Variants in PRKG1 observed in about 807,000 individuals in gnomAD.
PRKG1 encodes the protein protein kinase cGMP-dependent 1, also known as cGMP-dependent protein kinase 1.
Under a neutral mutation model 88.1 loss-of-function variants are expected in PRKG1, and 35 were observed. That is an observed-to-expected ratio of 0.40 (90% CI 0.30 to 0.53). The LOEUF (loss-of-function observed/expected upper bound fraction) is 0.53, where lower values mean the gene tolerates loss of function less well. Among genes scored for constraint, PRKG1 ranks in the 20% least tolerant of loss-of-function variants. The pLI is 0.59. For synonymous variants in PRKG1, 303 were observed against 292.5 expected (o/e 1.04, Z -0.37); for missense variants, 540 against 839.8 (o/e 0.64, Z 4.41).
intron 3 of PRKG1, among the ~76,000 whole-genome samples, chr10:51,763,185 C>T (rs1227337278): frequency 1.3e-5 from 2 of 151,936 alleles, no homozygotes; most frequent in Non-Finnish European, 2.9e-5. Flanking sequence ...TATTGTCTTA[C>T]CATGTACTTG....
intron 3 of PRKG1, among the ~76,000 whole-genome samples, chr10:51,595,672 T>G (rs970217201): frequency 1.3e-5 from 2 of 151,530 alleles, no homozygotes; most frequent in African/African-American, 4.8e-5. Context: ...GCAAGCTTTT[T>G]TCCATAATGA....
At chr10:52,281,548 A>C (rs986283268) in intron 13 of PRKG1, among the ~76,000 whole-genome samples, 12 of 152,108 alleles carry the variant, frequency 7.9e-5, no homozygotes, top group African/African-American at 2.7e-4. Context: ...TTGTAGTTTC[A>C]ACCAAATCGT....
intron 2 of PRKG1, among the ~76,000 whole-genome samples, chr10:51,317,898 G>A (rs769304345): frequency 2.0e-5 from 3 of 152,080 alleles, no homozygotes; most frequent in Non-Finnish European, 4.4e-5. Flanking sequence ...AGTCTTTCCT[G>A]TAATGGGCAT....
chr10:51,690,554 T>G (rs914678678), intron 3 of PRKG1, among the ~76,000 whole-genome samples: 3 of 152,284 alleles, frequency 2.0e-5, no homozygotes, highest in South Asian at 2.1e-4. Flanking sequence ...TGCTTCATAT[T>G]CATTCCAGGC....
intron 2 of PRKG1, among the ~76,000 whole-genome samples, chr10:51,431,887 C>CA (rs1349361153): frequency 1.3e-5 from 2 of 151,860 alleles, no homozygotes; most frequent in Non-Finnish European, 2.9e-5. Context: ...CAAAACAAAG[C>CA]AAAAAAGCCT....
chr10:51,849,991 A>G (rs1351439776), intron 4 of PRKG1, among the ~76,000 whole-genome samples: 1 of 152,208 alleles, frequency 6.6e-6, no homozygotes, highest in Non-Finnish European at 1.5e-5. Flanking sequence ...TTGGAAAGAG[A>G]AAAAGTTGAA....
intron 5 of PRKG1, among the ~76,000 whole-genome samples, chr10:52,016,297 CG>C (rs111430741): frequency 2.0e-5 from 3 of 152,132 alleles, no homozygotes; most frequent in Non-Finnish European, 4.4e-5. Flanking sequence ...GGAATCAAGA[CG>C]TTTTTTATAT....
At chr10:51,763,621 G>C (rs1379708965) in intron 3 of PRKG1, among the ~76,000 whole-genome samples, 2 of 134,138 alleles carry the variant, frequency 1.5e-5, no homozygotes, top group East Asian at 4.3e-4. Flanking sequence ...AAAAAAAAAA[G>C]TAAGCATTCT....
chr10:52,120,726 G>A (rs1042971116), intron 7 of PRKG1, among the ~76,000 whole-genome samples: 29 of 152,090 alleles, frequency 1.9e-4, no homozygotes, highest in Non-Finnish European at 3.2e-4. Context: ...AGGCAGCCCC[G>A]CCCCTGTGTC....
intron 1 of PRKG1, among the ~76,000 whole-genome samples, chr10:51,034,669 TATA>T (rs1438324253): frequency 0.059 from 1,718 of 29,164 alleles, 98 homozygotes; most frequent in Non-Finnish European, 0.073. Context: ...ATATGTTATT[TATA>T]TATATATATA....
At position 51,628,974 on chromosome 10, in the gene PRKG1, A is replaced by AAAAAC. The variant is rs369464844; in HGVS notation, c.592+161142_592+161143insCAAAA. 4.4e-4 allele frequency among the ~76,000 whole-genome samples: 63 copies of AAAAAC among 142,036 alleles called. No individual in the cohort carries two copies. The South Asian group carries it at 7.6e-3, about 17-fold the overall frequency. The allele number at this position is 142,036 out of a possible 152,430, so 93.2% of individuals were successfully genotyped here. A position where few individuals can be genotyped will look rare whatever the true frequency, so the allele number is the denominator to read the frequency against. On this transcript the variant is annotated intron_variant, in intron 3 of 17. Transcript: ENST00000373980. ...GAGCGAGACTCCGTCTCAAAAAAAA[A>AAAAAC]AAAAACAAAAACAAAAACCAAAAAA... is the stretch of plus-strand genomic sequence containing the variant.
chr10:51,069,485 C>G (rs540975660), intron 1 of PRKG1, among the ~76,000 whole-genome samples: 1 of 151,582 alleles, frequency 6.6e-6, no homozygotes, highest in East Asian at 1.9e-4. Context: ...AACAATAAAG[C>G]AAAAAGGGAT....
At chr10:51,284,767 T>TTA (rs951720361) in intron 2 of PRKG1, among the ~76,000 whole-genome samples, 95 of 152,094 alleles carry the variant, frequency 6.2e-4, no homozygotes, top group African/African-American at 2.1e-3. Flanking sequence ...AGGGCCATGT[T>TTA]TATATATATA....
intron 4 of PRKG1, among the ~76,000 whole-genome samples, chr10:51,838,857 T>C (rs1379917335): frequency 6.6e-6 from 1 of 152,186 alleles, no homozygotes; most frequent in East Asian, 1.9e-4. Context: ...GGCAAATAAA[T>C]TTGTTAAGTG....
In PRKG1 at chr10:52,162,793, C is replaced by A. The variant is rs80169559; in HGVS notation, c.1076+830C>A. 2.6e-3 allele frequency among the ~76,000 whole-genome samples: 390 copies of A among 151,956 alleles called. 2 individuals are homozygous for A. The highest frequency in any genetic ancestry group is 8.9e-3 in the African/African-American group (370 of 41,460). Reference sequence around the variant, plus strand: ...ATTAAGAATTATATTCTATGTTAACCCAATAAAATTATGTTATTTTCAAAG... The same window carrying A: ...ATTAAGAATTATATTCTATGTTAACACAATAAAATTATGTTATTTTCAAAG... On this transcript the variant is annotated intron_variant, in intron 9 of 17. Coordinates refer to ENST00000373980, the MANE Select transcript of PRKG1 (RefSeq NM_006258.4).
intron 3 of PRKG1, among the ~76,000 whole-genome samples, chr10:51,662,513 C>G (rs1840324918): frequency 1.3e-5 from 2 of 152,096 alleles, no homozygotes; most frequent in South Asian, 4.1e-4. Flanking sequence ...TGGTTCAAGA[C>G]TCTAGTCATT....
intron 3 of PRKG1, among the ~76,000 whole-genome samples, chr10:51,736,623 TA>T (rs1837288266): frequency 6.6e-6 from 1 of 150,630 alleles, no homozygotes; most frequent in African/African-American, 2.4e-5. Flanking sequence ...TTTTTTTTTT[TA>T]AGAGACAGGG....
intron 4 of PRKG1, among the ~76,000 whole-genome samples, chr10:51,899,635 G>A (rs1841933816): frequency 7.0e-6 from 1 of 143,654 alleles, no homozygotes; most frequent in South Asian, 2.2e-4. Flanking sequence ...TCCAGCTTGG[G>A]CGACAGCGTG....
At position 50,991,663 on chromosome 10, in the gene PRKG1, G is replaced by A; in HGVS notation, c.266+19G>A. On this transcript the variant is annotated intron_variant, in intron 1 of 17. Coordinates refer to the PRKG1 transcript ENST00000401604. This position sits in a 1 kb window ranked among gnomAD's most constrained non-coding sequence, Gnocchi z 4.5. ...CCGAAAGGTAGGCGCGGAGGCCGTG[G>A]GCCCGGGCGCTCGTCCCGGCCCGCG... 2 of 1,469,262 alleles carry A rather than the reference G, an allele frequency of 1.4e-6. No individual in the cohort carries two copies. The allele number at this position is 1,469,262 out of a possible 1,614,324, so 91.0% of individuals were successfully genotyped here. A position where few individuals can be genotyped will look rare whatever the true frequency, so the allele number is the denominator to read the frequency against.
Sources: gnomAD v4.1 joint callset for allele counts (sites outside exome capture counted in the v4.1 genomes callset) on GRCh38, gnomAD v4.1.1 for gene constraint, Gnocchi (gnomAD v3.1) non-coding constraint, MANE v1.5 for transcripts, NCBI Gene and HGNC (gene_info 2026-07-23, HGNC 2026-07-21) for gene names.